MSH4: variants seen among roughly 807,000 people sequenced by gnomAD.
MSH4 encodes the protein mutS protein homolog 4.
In MSH4, 106 loss-of-function variants were observed where a neutral mutation model predicts 113.7. The observed-to-expected ratio is 0.93, with a 90% CI of 0.80 to 1.10. The LOEUF (loss-of-function observed/expected upper bound fraction) is 1.10. MSH4 is among the 50% of genes least tolerant of loss of function. The pLI, the probability that MSH4 is intolerant of heterozygous loss-of-function variation, is 0.00. For missense variants in MSH4, 1,061 were observed against 1,093.7 expected (o/e 0.97, Z 0.42); for synonymous variants, 368 against 380.2 (o/e 0.97, Z 0.37).
rs1570945267 is a variant in MSH4 at position 75,816,239 on chromosome 1, T to C, written c.816-134T>C. ...AGGTTATTTACCTAGTTTTCAAAAA[T>C]ATGAAATACCTGGTGTACCTTTTCC... On this transcript the variant is annotated intron_variant, in intron 5 of 19. Coordinates refer to ENST00000263187, the MANE Select transcript of MSH4 (RefSeq NM_002440.4). The C allele has an allele frequency of 8.4e-6, 4 of 477,176 alleles. No homozygotes were observed. The East Asian group carries it at 1.4e-4, about 17-fold the overall frequency. The allele number at this position is 477,176 out of a possible 1,614,324, so 29.6% of individuals were successfully genotyped here.
chr1:75,912,471 TAAC>T (rs1419597031), intron 19 of MSH4, among the ~76,000 whole-genome samples: 2 of 152,128 alleles, frequency 1.3e-5, no homozygotes, highest in African/African-American at 4.8e-5. Context: ...TGTGATAAAG[TAAC>T]AAATACTCAG....
At chr1:75,859,481 C>G (rs964965498) in intron 8 of MSH4, among the ~76,000 whole-genome samples, 1 of 152,136 alleles carries the variant, frequency 6.6e-6, no homozygotes, top group Admixed American at 6.6e-5. Flanking sequence ...TCACTGGTTT[C>G]GAAGAACATC....
Position 75,797,036 on chromosome 1 carries a change from C to A in MSH4, c.51C>A (p.Ser17=). ...CCTCGCCTTCTGCCCCGGCGGTTTC[C>A]CCGTCGTCGGGAGAAACCCGCTCAC... The part of the protein sequence containing the change: ...SSTSPSAPAV[S]PSSGETRSPQ... The change falls in exon 1 of 20, where the codon TCC becomes TCA. Residue 17 remains serine (S), a synonymous_variant. Coordinates refer to ENST00000263187, the MANE Select transcript of MSH4 (RefSeq NM_002440.4). 6.2e-7 allele frequency: 1 copy of A among 1,614,094 alleles called. No homozygotes were observed. Among genetic ancestry groups the A allele is most frequent in the South Asian group, 1.1e-5 (1 of 91,086 alleles).
At chr1:75,830,971 T>C (rs1019115039) in intron 7 of MSH4, among the ~76,000 whole-genome samples, 5 of 152,104 alleles carry the variant, frequency 3.3e-5, no homozygotes, top group African/African-American at 1.2e-4. Context: ...GGCTAAATGC[T>C]CCAATTAAAA....
At chr1:75,900,074 A>C (rs1007735281) in intron 19 of MSH4, among the ~76,000 whole-genome samples, 1 of 152,030 alleles carries the variant, frequency 6.6e-6, no homozygotes, top group African/African-American at 2.4e-5. Context: ...TAGTTTTCAA[A>C]GCTTTTCTAC....
chr1:75,910,807 T>A (rs1446947114), intron 19 of MSH4, among the ~76,000 whole-genome samples: 3 of 152,140 alleles, frequency 2.0e-5, no homozygotes, highest in Non-Finnish European at 4.4e-5. Context: ...AAAACTCTTA[T>A]CTCTTCACCT....
intron 15 of MSH4, among the ~76,000 whole-genome samples, chr1:75,884,880 G>A (rs1046783771): frequency 2.6e-5 from 4 of 151,070 alleles, no homozygotes; most frequent in Non-Finnish European, 5.9e-5. Context: ...AATTTCCTTC[G>A]CCTTATAAGA....
chr1:75,903,565 T>G (rs1464331378), intron 19 of MSH4, among the ~76,000 whole-genome samples: 1 of 152,136 alleles, frequency 6.6e-6, no homozygotes, highest in African/African-American at 2.4e-5. Flanking sequence ...CTGTGAAGAA[T>G]GTCTGTTATT....
chr1:75,854,832 A>G (rs1173689847), intron 8 of MSH4, among the ~76,000 whole-genome samples: 1 of 152,184 alleles, frequency 6.6e-6, no homozygotes, highest in Non-Finnish European at 1.5e-5. Context: ...AATAATCAAT[A>G]TAAATAAAAA....
chr1:75,804,561 A>G (rs1333859047), intron 2 of MSH4, among the ~76,000 whole-genome samples: 2 of 147,948 alleles, frequency 1.4e-5, no homozygotes, highest in African/African-American at 5.0e-5. Flanking sequence ...CCCAGGCTGG[A>G]ATGCAGTGGT....
At chr1:75,799,311 C>G (rs1649886137) in intron 1 of MSH4, among the ~76,000 whole-genome samples, 1 of 151,988 alleles carries the variant, frequency 6.6e-6, no homozygotes, top group South Asian at 2.1e-4. Context: ...CAGATAGAAC[C>G]AAGGCCCAAA....
intron 7 of MSH4, among the ~76,000 whole-genome samples, chr1:75,824,707 A>T (rs1174785682): frequency 1.3e-5 from 2 of 152,198 alleles, no homozygotes; most frequent in Non-Finnish European, 2.9e-5. Flanking sequence ...CAGTTTTCCT[A>T]GCACCGTTTA....
At chr1:75,810,278 TG>T (rs1335526089) in intron 3 of MSH4, among the ~76,000 whole-genome samples, 6 of 151,860 alleles carry the variant, frequency 4.0e-5, no homozygotes, top group Non-Finnish European at 1.5e-5. Context: ...CCACCTAGAC[TG>T]GCGTGCAAAG....
At chr1:75,912,601 C>T in intron 19 of MSH4, 95 bp from the exon 20 acceptor site, 1 of 748,912 alleles carries the variant, frequency 1.3e-6, no homozygotes. Context: ...TTCCATATGT[C>T]TATGGAAGGA....
At chr1:75,885,059 G>GTGTGTGTGTGTGTGTGTGTA (rs1300289205) in intron 15 of MSH4, among the ~76,000 whole-genome samples, 3 of 112,562 alleles carry the variant, frequency 2.7e-5, no homozygotes, top group Middle Eastern at 4.7e-3. Context: ...GTGTGTGTGT[G>GTGTGTGTGTGTGTGTGTGTA]TATATATATA....
chr1:75,877,056 T>A (rs1651831697), intron 10 of MSH4, 56 bp downstream of exon 10: 3 of 1,167,350 alleles, frequency 2.6e-6, no homozygotes, highest in Non-Finnish European at 3.6e-6. Context: ...TTCCTGATCA[T>A]AACTGATTTT....
chr1:75,871,302 A>G (rs375068157), intron 9 of MSH4, among the ~76,000 whole-genome samples: 2 of 152,220 alleles, frequency 1.3e-5, no homozygotes, highest in East Asian at 1.9e-4. Flanking sequence ...AGTGAGGATT[A>G]TGGGAATTCT....
chr1:75,883,638 G>T lies in MSH4; in HGVS notation c.1924G>T (p.Asp642Tyr). 1 of 1,611,020 alleles carries T rather than the reference G, an allele frequency of 6.2e-7. No individual in the cohort carries two copies. The highest frequency in any genetic ancestry group is 1.1e-5 in the South Asian group (1 of 90,282). Reference sequence around the variant, plus strand: ...TTCTTAAGTTCGACCAGAATTTACTGATACTTTAGCAATCAAACAGGGATG... The same window carrying T: ...TTCTTAAGTTCGACCAGAATTTACTTATACTTTAGCAATCAAACAGGGATG... ...LSDYVRPEFT[D>Y]TLAIKQGWHP... The change falls in exon 15 of 20, where the codon GAT becomes TAT. Residue 642 changes from aspartate to tyrosine, a missense_variant. Asp to Tyr is a radical substitution (Grantham distance 160). Coordinates refer to ENST00000263187, the MANE Select transcript of MSH4 (RefSeq NM_002440.4).
intron 10 of MSH4, 144 bp from the exon 11 acceptor site, chr1:75,878,004 TA>T (rs5745443): frequency 0.2 from 126,031 of 622,790 alleles, 13,773 homozygotes; most frequent in Non-Finnish European, 0.23. Flanking sequence ...CTAACTTAAG[TA>T]AATTTAAATA....
Sources: allele counts gnomAD v4.1 joint callset (sites outside exome capture counted in the v4.1 genomes callset), GRCh38; gene constraint gnomAD v4.1.1; transcripts MANE v1.5; gene names NCBI Gene and HGNC (gene_info 2026-07-23, HGNC 2026-07-21).